The following AKAP3 variants were observed in gnomAD, a reference collection of about 807,000 sequenced individuals.
AKAP3 encodes the protein A-kinase anchoring protein 3, also known as A-kinase anchor protein 3.
AKAP3 carries 27 observed loss-of-function variants against 57.2 expected under a neutral mutation model. That is an observed-to-expected ratio of 0.47 (90% confidence interval 0.35 to 0.65). The LOEUF (loss-of-function observed/expected upper bound fraction) is 0.65. AKAP3 is among the 30% of genes least tolerant of loss of function. The pLI is 0.01. For missense variants in AKAP3, 959 were observed against 1,040.0 expected (o/e 0.92, Z 1.07); for synonymous variants, 334 against 392.3 (o/e 0.85, Z 1.76).
At chr12:4,639,919 C>T (rs2137447537) in intron 3 of AKAP3, among the ~76,000 whole-genome samples, 1 of 151,416 alleles carries the variant, frequency 6.6e-6, no homozygotes, top group African/African-American at 2.4e-5. Context: ...TGGGTTCACG[C>T]CATTCTCCTG....
Position 4,648,888 on chromosome 12 carries a change from A to G in AKAP3, c.-388T>C, listed in dbSNP as rs1409148345. On this transcript the variant is annotated 5_prime_UTR_variant, in exon 1 of 6. Coordinates refer to ENST00000228850, the MANE Select transcript of AKAP3 (RefSeq NM_001278309.2). ...CTGAACTTCAGGTTCCTCGGCAATT[A>G]GAGATTATAAATAGCCTATACAGCC... is the stretch of plus-strand genomic sequence containing the variant. 1.9e-6 allele frequency: 1 copy of G among 522,076 alleles called. No homozygotes were observed. The highest frequency in any genetic ancestry group is 1.9e-5 in the African/African-American group (1 of 51,300). 32.3% of individuals were successfully genotyped at this position (522,076 alleles called of 1,614,324 possible). A position where few individuals can be genotyped will look rare whatever the true frequency, so the allele number is the denominator to read the frequency against.
At chr12:4,617,042 C>G (rs188034015) in intron 5 of AKAP3, among the ~76,000 whole-genome samples, 2 of 152,166 alleles carry the variant, frequency 1.3e-5, no homozygotes, top group Admixed American at 1.3e-4. Flanking sequence ...CCTACCATAA[C>G]TAAATCACTG....
intron 4 of AKAP3, among the ~76,000 whole-genome samples, chr12:4,637,260 C>T (rs1156963220): frequency 6.6e-6 from 1 of 152,200 alleles, no homozygotes; most frequent in Admixed American, 6.5e-5. Context: ...AAACATTTCT[C>T]CTTTGCGGTT....
rs748250818 is a variant in AKAP3 at position 4,627,352 on chromosome 12, A to C, written c.1550T>G (p.Met517Arg). Residue 517 changes from methionine to arginine, a missense_variant, in exon 5 of 6, where the codon ATG becomes AGG. Physicochemically the swap from Met to Arg is moderately conservative, Grantham distance 91. Transcript: ENST00000228850. The part of the protein sequence containing the change: ...PYPPEKPENF[M>R]YDSDSWAEDL... ...CTCGGCCCAGGAGTCTGAATCATAC[A>C]TAAAATTCTCAGGTTTCTCTGGAGG... 1 of 1,614,146 alleles carries C rather than the reference A, an allele frequency of 6.2e-7. No homozygotes were observed.
chr12:4,626,696 C>T lies in AKAP3; in HGVS notation c.2206G>A (p.Ala736Thr), dbSNP rs1473313820. Residue 736 changes from alanine (A) to threonine (T), a missense_variant, in exon 5 of 6, where the codon GCT (alanine) becomes ACT (threonine). Coordinates refer to ENST00000228850, the MANE Select transcript of AKAP3 (RefSeq NM_001278309.2). ...GTGCCTCTCATTTCATTATGGATAG[C>T]TTGATAGGCATTCTGCAGGACAGCT... is the stretch of plus-strand genomic sequence containing the variant. Reference protein sequence around the residue: ...AEAVLQNAYQAIHNEMRGTSG... With the variant: ...AEAVLQNAYQTIHNEMRGTSG... 6.2e-7 allele frequency: 1 copy of T among 1,614,070 alleles called. No individual in the cohort carries two copies. The highest frequency in any genetic ancestry group is 2.2e-5 in the East Asian group (1 of 44,894).
At chr12:4,634,981 T>C (rs1945545430) in intron 4 of AKAP3, among the ~76,000 whole-genome samples, 1 of 152,156 alleles carries the variant, frequency 6.6e-6, no homozygotes, top group South Asian at 2.1e-4. Context: ...ATTAGTAAAT[T>C]CTATTTTTTT....
Position 4,626,620 on chromosome 12 carries a change from T to C in AKAP3, c.2282A>G (p.Asn761Ser), listed in dbSNP as rs775931964. Residue 761 changes from asparagine (N) to serine (S), a missense_variant, in exon 5 of 6, where the codon AAT (asparagine) becomes AGT (serine). Coordinates refer to ENST00000228850, the MANE Select transcript of AKAP3 (RefSeq NM_001278309.2). ...GCAAPTVIVS[N>S]HNLTDTVQNK... ...CTGAACTGTGTCCGTTAGGTTGTGA[T>C]TGCTGACAATCACCGTGGGTGCTGC... 1 of 1,614,234 alleles carries C rather than the reference T, an allele frequency of 6.2e-7. No individual in the cohort carries two copies. The highest frequency in any genetic ancestry group is 1.1e-5 in the South Asian group (1 of 91,084).
At chr12:4,624,316 CGTGTGTGTGTGTGTGTGTGT>C (rs71061197) in intron 5 of AKAP3, among the ~76,000 whole-genome samples, 9 of 42,992 alleles carry the variant, frequency 2.1e-4, no homozygotes, top group Non-Finnish European at 2.8e-4. Flanking sequence ...TGTGACTTTA[CGTGTGTGTGTGTGTGTGTGT>C]GTGTGTGTGT....
In AKAP3 at chr12:4,627,251, C is replaced by T. The variant is rs370471973; in HGVS notation, c.1651G>A (p.Val551Ile). The change falls in exon 5 of 6, where the codon GTT becomes ATT. Residue 551 changes from valine to isoleucine, a missense_variant. Val to Ile is a conservative substitution (Grantham distance 29). Transcript: ENST00000228850. ...AAGTTGGTGGTGCCAGCAGCTTCAA[C>T]GAAGCTCCGTGCATCCCTTCTTCCT... is the stretch of plus-strand genomic sequence containing the variant. Reference protein sequence around the residue: ...QGGRRDARSFVEAAGTTNFPA... With the variant: ...QGGRRDARSFIEAAGTTNFPA... 2.0e-5 allele frequency: 32 copies of T among 1,613,910 alleles called. No homozygotes were observed. The highest frequency in any genetic ancestry group is 1.6e-4 in the Middle Eastern group (1 of 6,082).
chr12:4,624,640 A>G (rs1004013229), intron 5 of AKAP3, among the ~76,000 whole-genome samples: 1 of 152,094 alleles, frequency 6.6e-6, no homozygotes, highest in Non-Finnish European at 1.5e-5. Flanking sequence ...TCAAAAAGTC[A>G]TTTTTAGGTA....
intron 4 of AKAP3, 140 bp from the exon 5 acceptor site, chr12:4,628,945 A>C (rs906041257): frequency 4.6e-5 from 35 of 762,774 alleles, no homozygotes; most frequent in Non-Finnish European, 6.7e-5. Flanking sequence ...CCATTTATTA[A>C]GTACTCACTG....
chr12:4,634,960 G>C (rs1945545283), intron 4 of AKAP3, among the ~76,000 whole-genome samples: 1 of 152,072 alleles, frequency 6.6e-6, no homozygotes, highest in Non-Finnish European at 1.5e-5. Context: ...AATGTTTTTT[G>C]AAAAGCCCAA....
At chr12:4,645,597 G>C (rs1189190960) in intron 1 of AKAP3, 1 of 151,954 alleles carries the variant, frequency 6.6e-6, no homozygotes, top group Non-Finnish European at 1.5e-5. Context: ...CAGATCATCA[G>C]GCACTAGATT....
At chr12:4,621,686 C>T (rs558662231) in intron 5 of AKAP3, among the ~76,000 whole-genome samples, 6 of 152,200 alleles carry the variant, frequency 3.9e-5, no homozygotes, top group Non-Finnish European at 1.5e-5. Context: ...TATGTTCACA[C>T]AATGAGGAAA....
chr12:4,627,211 G>T lies in AKAP3; in HGVS notation c.1691C>A (p.Pro564His). Residue 564 changes from proline to histidine, a missense_variant, in exon 5 of 6, where the codon CCT (proline) becomes CAT (histidine). Transcript: ENST00000228850. Reference protein sequence around the residue: ...AGTTNFPANEPPVAPDESCLK... With the variant: ...AGTTNFPANEHPVAPDESCLK... Reference sequence around the variant, plus strand: ...GCAAGATTCATCGGGAGCTACAGGAGGTTCATTGGCAGGAAAGTTGGTGGT... The same window carrying T: ...GCAAGATTCATCGGGAGCTACAGGATGTTCATTGGCAGGAAAGTTGGTGGT... 6.2e-7 allele frequency: 1 copy of T among 1,614,066 alleles called. No individual in the cohort carries two copies. The highest frequency in any genetic ancestry group is 8.5e-7 in the Non-Finnish European group (1 of 1,180,014).
At position 4,615,557 on chromosome 12, in the gene AKAP3, G is replaced by C. The variant is rs539340582; in HGVS notation, c.*182C>G. The C allele has an allele frequency of 1.0e-4, 71 of 684,274 alleles. No individual in the cohort carries two copies. The highest frequency in any genetic ancestry group is 1.4e-4 in the Non-Finnish European group (64 of 443,828). The allele number at this position is 684,274 out of a possible 1,614,324, so 42.4% of individuals were successfully genotyped here. Reference sequence around the variant, plus strand: ...TTTAATTTTACGTCCTTGCTTGCATGGACAGGAAAATCTGCAAAATCCAGT... The same window carrying C: ...TTTAATTTTACGTCCTTGCTTGCATCGACAGGAAAATCTGCAAAATCCAGT... On this transcript the variant is annotated 3_prime_UTR_variant, in exon 6 of 6. Coordinates refer to ENST00000228850, the MANE Select transcript of AKAP3 (RefSeq NM_001278309.2).
Position 4,649,008 on chromosome 12 carries a change from T to G in AKAP3, c.-508A>C. Reference sequence around the variant, plus strand: ...CCAGCTTTCTTCTTAACCAACAATCTACCCGAAACCGTCGTTTCTTGGTTA... The same window carrying G: ...CCAGCTTTCTTCTTAACCAACAATCGACCCGAAACCGTCGTTTCTTGGTTA... On this transcript the variant is annotated 5_prime_UTR_variant, in exon 1 of 6. Coordinates refer to ENST00000228850, the MANE Select transcript of AKAP3 (RefSeq NM_001278309.2). The G allele has an allele frequency of 8.7e-7, 1 of 1,152,220 alleles. No individual in the cohort carries two copies. Among genetic ancestry groups the G allele is most frequent in the South Asian group, 1.5e-5 (1 of 68,524 alleles). 71.4% of individuals were successfully genotyped at this position (1,152,220 alleles called of 1,614,324 possible). A position where few individuals can be genotyped will look rare whatever the true frequency, so the allele number is the denominator to read the frequency against.
chr12:4,635,813 G>A (rs1945558514), intron 4 of AKAP3: 3 of 688,660 alleles, frequency 4.4e-6, no homozygotes, highest in Non-Finnish European at 8.0e-6. Context: ...CACATTTTGG[G>A]TTAGAAAATC....
chr12:4,646,805 A>T (rs1325171626), intron 1 of AKAP3, among the ~76,000 whole-genome samples: 3 of 151,756 alleles, frequency 2.0e-5, no homozygotes, highest in African/African-American at 7.3e-5. Context: ...TTTTTTTGAG[A>T]CAGAGTCTCA....
Sources: allele counts gnomAD v4.1 joint callset (sites outside exome capture counted in the v4.1 genomes callset), GRCh38; gene constraint gnomAD v4.1.1; transcripts MANE v1.5; gene names NCBI Gene and HGNC (gene_info 2026-07-23, HGNC 2026-07-21).